The following GLRA2 variants were observed in gnomAD, a reference collection of about 807,000 sequenced individuals.
GLRA2 encodes the protein glycine receptor subunit alpha-2.
In GLRA2, 11 loss-of-function variants were observed where a neutral mutation model predicts 31.6. The observed-to-expected ratio is 0.35, with a 90% CI of 0.22 to 0.58. The LOEUF is 0.58. Among genes scored for constraint, GLRA2 ranks in the 20% least tolerant of loss-of-function variants. GLRA2 has a pLI of 0.84. For missense variants in GLRA2, 212 were observed against 351.8 expected (o/e 0.60, Z 3.18); for synonymous variants, 132 against 134.0 (o/e 0.99, Z 0.10).
chrX:14,673,798 A>G (rs1170374451), intron 7 of GLRA2, among the ~76,000 whole-genome samples: 1 of 112,641 alleles, frequency 8.9e-6, no homozygotes, highest in Non-Finnish European at 1.9e-5. Flanking sequence ...GCTGACTGAG[A>G]AAACAAATGA....
At chrX:14,530,148 T>A in intron 1 of GLRA2, 23 bp downstream of exon 1, 1 of 972,884 alleles carries the variant, frequency 1.0e-6, no homozygotes, top group Non-Finnish European at 1.5e-6. Context: ...ACTTTGCATG[T>A]TGATATTTAA....
intron 7 of GLRA2, among the ~76,000 whole-genome samples, chrX:14,677,204 T>TC (rs1416067522): frequency 9.0e-6 from 1 of 111,535 alleles, no homozygotes; most frequent in African/African-American, 3.3e-5. Flanking sequence ...TTTTTAGTTG[T>TC]CTTTTTTTTT....
chrX:14,723,415 A>G lies in GLRA2; in HGVS notation c.1081-6792A>G, dbSNP rs188755614. On this transcript the variant is annotated intron_variant, in intron 8 of 8. Transcript: ENST00000218075. ...ATCATTATCATCTCTCATCTGGACC[A>G]TTGCTGTAGCTTTGTAACTTCTTGG... Among the ~76,000 whole-genome samples the G allele has an allele frequency of 3.2e-3, 360 of 111,987 alleles. 1 individual carries two copies. The highest frequency in any genetic ancestry group is 0.011 in the African/African-American group (328 of 30,809).
intron 7 of GLRA2, among the ~76,000 whole-genome samples, chrX:14,664,560 A>G (rs2091020980): frequency 8.9e-6 from 1 of 111,914 alleles, no homozygotes; most frequent in Non-Finnish European, 1.9e-5. Context: ...AGATTTCCAT[A>G]GATATTTTCT....
intron 2 of GLRA2, among the ~76,000 whole-genome samples, chrX:14,543,198 T>C (rs2089429106): frequency 1.1e-5 from 1 of 89,362 alleles, no homozygotes; most frequent in East Asian, 3.4e-4. Flanking sequence ...ACCTGGAGCA[T>C]GCCACTTAAC....
At chrX:14,468,985 G>A in the GLRA2 span, among the ~76,000 whole-genome samples, 5 of 110,546 alleles carry the variant, frequency 4.5e-5, no homozygotes, top group East Asian at 1.1e-3. Context: ...GTCTGTTCAT[G>A]TCCTTCGCCC....
At chrX:14,699,237 C>G (rs1213728086) in intron 8 of GLRA2, among the ~76,000 whole-genome samples, 1 of 111,947 alleles carries the variant, frequency 8.9e-6, no homozygotes, top group African/African-American at 3.3e-5. Context: ...GCAGCCTCAC[C>G]TGCATTTATC....
At chrX:14,703,537 C>T (rs1471194310) in intron 8 of GLRA2, among the ~76,000 whole-genome samples, 1 of 111,899 alleles carries the variant, frequency 8.9e-6, no homozygotes, top group Non-Finnish European at 1.9e-5. Context: ...CAAAGCCCCT[C>T]TGCTTTGTAG....
chrX:14,683,965 A>G (rs1263786238), intron 7 of GLRA2, among the ~76,000 whole-genome samples: 1 of 111,280 alleles, frequency 9.0e-6, no homozygotes, highest in Admixed American at 9.5e-5. Context: ...TTATGGGCCT[A>G]TAATGTCTAT....
chrX:14,459,856 C>A, the GLRA2 span, among the ~76,000 whole-genome samples: 1 of 111,703 alleles, frequency 9.0e-6, no homozygotes, highest in Non-Finnish European at 1.9e-5. Flanking sequence ...GTTTGAATAC[C>A]CTTTATTGCT....
At chrX:14,474,129 G>C in the GLRA2 span, among the ~76,000 whole-genome samples, 33 of 111,702 alleles carry the variant, frequency 3.0e-4, no homozygotes, top group African/African-American at 9.8e-4. Context: ...CAGCCAATCT[G>C]GAATTTTTGT....
Position 14,716,035 on chromosome X carries a change from T to A in GLRA2, c.1081-14172T>A, listed in dbSNP as rs141036467. ...CCAAGCACAGGACCCTTCTAAGCAC[T>A]GGGCACTGTGTGACTGTATAGTATG... On this transcript the variant is annotated intron_variant, in intron 8 of 8. Transcript: ENST00000218075. Among the ~76,000 whole-genome samples, 8 of 111,600 alleles carry A rather than the reference T, an allele frequency of 7.2e-5. No individual in the cohort carries two copies. The East Asian group carries it at 2.3e-3, about 32-fold the overall frequency.
chrX:14,687,304 G>C (rs777332311), intron 7 of GLRA2, among the ~76,000 whole-genome samples: 1 of 111,596 alleles, frequency 9.0e-6, no homozygotes, highest in Non-Finnish European at 1.9e-5. Flanking sequence ...TTCTCGAGGA[G>C]TATCTTTGTG....
At chrX:14,522,061 T>C in the GLRA2 span, among the ~76,000 whole-genome samples, 1 of 111,970 alleles carries the variant, frequency 8.9e-6, no homozygotes, top group South Asian at 3.7e-4. Context: ...TATTTCTCTA[T>C]AGGGTGCAAT....
At chrX:14,635,329 A>G (rs893137328) in intron 7 of GLRA2, among the ~76,000 whole-genome samples, 8 of 112,319 alleles carry the variant, frequency 7.1e-5, no homozygotes, top group African/African-American at 2.6e-4. Flanking sequence ...TTGAATTGCA[A>G]TGAGAGTAAA....
the GLRA2 span, among the ~76,000 whole-genome samples, chrX:14,455,046 T>A: frequency 8.9e-6 from 1 of 111,837 alleles, no homozygotes; most frequent in Non-Finnish European, 1.9e-5. Flanking sequence ...CTTTATTACC[T>A]TTAAGATGAA....
intron 8 of GLRA2, among the ~76,000 whole-genome samples, chrX:14,701,589 G>T (rs2188886): frequency 0.5 from 54,445 of 109,572 alleles, 10,225 homozygotes; most frequent in Non-Finnish European, 0.56. Flanking sequence ...GGTAGAGAAA[G>T]GGGGATACTG....
the GLRA2 span, among the ~76,000 whole-genome samples, chrX:14,460,425 C>T: frequency 2.7e-5 from 3 of 111,642 alleles, no homozygotes; most frequent in East Asian, 2.8e-4. Context: ...TTCTATTGAT[C>T]GGAATAATTT....
In GLRA2 at chrX:14,535,931, A is replaced by G. The variant is rs2089317597; in HGVS notation, c.202+3559A>G. 2.7e-5 allele frequency among the ~76,000 whole-genome samples: 3 copies of G among 112,432 alleles called. No individual in the cohort carries two copies. In the South Asian group the frequency reaches 1.1e-3, roughly 41 times the overall value. ...CAAAGCCTTTATCTATTTTAATGAA[A>G]TTTTCTTTGAAAATAAAATTAACTT... On this transcript the variant is annotated intron_variant, in intron 2 of 8. Coordinates refer to ENST00000218075, the MANE Select transcript of GLRA2 (RefSeq NM_002063.4).
Sources: allele counts gnomAD v4.1 joint callset (sites outside exome capture counted in the v4.1 genomes callset), GRCh38; gene constraint gnomAD v4.1.1; transcripts MANE v1.5; gene names NCBI Gene and HGNC (gene_info 2026-07-23, HGNC 2026-07-21).